Variants in MYO1D observed in about 807,000 individuals in gnomAD.
MYO1D encodes the protein unconventional myosin-Id.
Under a neutral mutation model 122.0 loss-of-function variants are expected in MYO1D, and 83 were observed. That is an observed-to-expected ratio of 0.68 (90% CI 0.57 to 0.82). MYO1D has a LOEUF of 0.82. MYO1D is among the 40% of genes least tolerant of loss of function. MYO1D has a pLI of 0.00. For missense variants in MYO1D, 1,157 were observed against 1,269.5 expected (o/e 0.91, Z 1.35); for synonymous variants, 464 against 446.9 (o/e 1.04, Z -0.48).
At chr17:32,583,343 T>A (rs1462219257) in intron 21 of MYO1D, among the ~76,000 whole-genome samples, 1 of 152,222 alleles carries the variant, frequency 6.6e-6, no homozygotes, top group Admixed American at 6.5e-5. Context: ...TATGCCTTAG[T>A]GTAGTTTTCT....
intron 11 of MYO1D, among the ~76,000 whole-genome samples, chr17:32,750,507 C>T (rs916616980): frequency 6.6e-6 from 1 of 151,766 alleles, no homozygotes; most frequent in Non-Finnish European, 1.5e-5. Context: ...CCCAGCTACT[C>T]GGGAGGCTGA....
chr17:32,554,775 G>A (rs530101759), intron 21 of MYO1D, among the ~76,000 whole-genome samples: 3 of 152,252 alleles, frequency 2.0e-5, no homozygotes, highest in East Asian at 1.9e-4. Context: ...CATGAAACAC[G>A]TACAAATCAC....
At chr17:32,739,117 A>AT (rs1403408048) in intron 13 of MYO1D, among the ~76,000 whole-genome samples, 4 of 151,856 alleles carry the variant, frequency 2.6e-5, no homozygotes, top group Non-Finnish European at 5.9e-5. Flanking sequence ...CTCAACTGTC[A>AT]TTTTTTTTCT....
intron 1 of MYO1D, among the ~76,000 whole-genome samples, chr17:32,789,714 G>A (rs1011063493): frequency 2.6e-5 from 4 of 152,138 alleles, no homozygotes; most frequent in African/African-American, 9.7e-5. Flanking sequence ...GGAGAGACAG[G>A]GAGAACACTG....
intron 1 of MYO1D, among the ~76,000 whole-genome samples, chr17:32,826,198 C>T (rs542167199): frequency 1.3e-5 from 2 of 152,122 alleles, no homozygotes; most frequent in African/African-American, 4.8e-5. Flanking sequence ...TAGTTTGCCC[C>T]ATCTCATTTA....
chr17:32,774,861 T>G (rs1386302066), intron 4 of MYO1D, among the ~76,000 whole-genome samples: 1 of 152,228 alleles, frequency 6.6e-6, no homozygotes, highest in Non-Finnish European at 1.5e-5. Context: ...CTAACTGGGA[T>G]AGGAAACCCT....
At chr17:32,834,986 T>A (rs1186125506) in intron 1 of MYO1D, among the ~76,000 whole-genome samples, 1 of 152,122 alleles carries the variant, frequency 6.6e-6, no homozygotes, top group African/African-American at 2.4e-5. Context: ...CATTCCAGCC[T>A]GGTGACAGAG....
At chr17:32,562,176 T>G (rs1409227309) in intron 21 of MYO1D, among the ~76,000 whole-genome samples, 4 of 151,972 alleles carry the variant, frequency 2.6e-5, no homozygotes, top group Admixed American at 2.6e-4. Context: ...TTGTATTTTT[T>G]TGTAGAAACG....
intron 21 of MYO1D, among the ~76,000 whole-genome samples, chr17:32,512,223 C>T (rs1312726421): frequency 1.3e-5 from 2 of 152,010 alleles, no homozygotes; most frequent in Non-Finnish European, 2.9e-5. Flanking sequence ...TCACTTGAAC[C>T]CAGGAGGCAG....
At chr17:32,849,535 AATC>A (rs1260525823) in intron 1 of MYO1D, among the ~76,000 whole-genome samples, 1 of 151,282 alleles carries the variant, frequency 6.6e-6, no homozygotes, top group East Asian at 1.9e-4. Flanking sequence ...TGAAACTGGA[AATC>A]ATCATTCTCA....
chr17:32,519,725 T>G (rs1298508959), intron 21 of MYO1D, among the ~76,000 whole-genome samples: 1 of 151,954 alleles, frequency 6.6e-6, no homozygotes. Flanking sequence ...AGGTGATGAT[T>G]TGGGGCTTAG....
chr17:32,513,478 C>T (rs1909767387), intron 21 of MYO1D, among the ~76,000 whole-genome samples: 1 of 152,114 alleles, frequency 6.6e-6, no homozygotes, highest in Admixed American at 6.5e-5. Flanking sequence ...AGTTTGACTT[C>T]CTCTGGAAAA....
intron 21 of MYO1D, chr17:32,497,726 C>G (rs976977298): frequency 1.3e-5 from 2 of 152,422 alleles, no homozygotes; most frequent in South Asian, 2.1e-4. Flanking sequence ...CAACAGTGCT[C>G]CCACTGCCGG....
chr17:32,552,452 C>CCATCCATCCATCCATCCATT (rs1417144565), intron 21 of MYO1D, among the ~76,000 whole-genome samples: 6 of 132,622 alleles, frequency 4.5e-5, no homozygotes, highest in African/African-American at 1.7e-4. Context: ...ATCCATCCAT[C>CCATCCATCCATCCATCCATT]CATCCATCCA....
intron 16 of MYO1D, among the ~76,000 whole-genome samples, chr17:32,687,213 C>CACCA (rs1225363524): frequency 1.2e-5 from 1 of 82,242 alleles, no homozygotes; most frequent in Non-Finnish European, 2.4e-5. Flanking sequence ...TTTTTTTTTT[C>CACCA]TGAGACAGAG....
intron 1 of MYO1D, among the ~76,000 whole-genome samples, chr17:32,812,390 T>A (rs1037120591): frequency 2.0e-5 from 3 of 152,240 alleles, no homozygotes; most frequent in Non-Finnish European, 2.9e-5. Flanking sequence ...TCTAAGAGTT[T>A]CTCTTCCTAT....
At position 32,653,967 on chromosome 17, in the gene MYO1D, A is replaced by C. The variant is rs755776860; in HGVS notation, c.2491-20T>G. 5.1e-6 allele frequency: 8 copies of C among 1,577,144 alleles called. No individual in the cohort carries two copies. In the African/African-American group the frequency reaches 9.5e-5, roughly 19 times the overall value. ...TGGCTTCTGAAAGAGAAAGGAAACA[A>C]GACAAAATGAGTATGCTTAGCATTT... is the stretch of plus-strand genomic sequence containing the variant. On this transcript the variant is annotated intron_variant, in intron 18 of 21. Coordinates refer to ENST00000318217, the MANE Select transcript of MYO1D (RefSeq NM_015194.3).
chr17:32,669,584 G>A (rs2088681924), intron 16 of MYO1D, among the ~76,000 whole-genome samples: 1 of 152,118 alleles, frequency 6.6e-6, no homozygotes, highest in South Asian at 2.1e-4. Flanking sequence ...CAGTTAATCT[G>A]TCTTTTGTGA....
chr17:32,543,054 G>A (rs1039980359), intron 21 of MYO1D, among the ~76,000 whole-genome samples: 3 of 151,742 alleles, frequency 2.0e-5, no homozygotes, highest in East Asian at 1.9e-4. Context: ...GTGAAACCCC[G>A]TCTCTACTAA....
Sources: allele counts gnomAD v4.1 joint callset (sites outside exome capture counted in the v4.1 genomes callset), GRCh38; gene constraint gnomAD v4.1.1; transcripts MANE v1.5; gene names NCBI Gene and HGNC (gene_info 2026-07-23, HGNC 2026-07-21).